Variants in IL31RA observed in about 807,000 individuals in gnomAD.
IL31RA encodes interleukin 31 receptor A.
IL31RA carries 66 observed loss-of-function variants against 83.7 expected under a neutral mutation model. The observed-to-expected ratio is 0.79, with a 90% CI of 0.65 to 0.97. The LOEUF (loss-of-function observed/expected upper bound fraction) is 0.97. Ranked by LOEUF, IL31RA falls within the 50% of genes least tolerant of loss-of-function variation. The pLI, the probability that IL31RA is intolerant of heterozygous loss-of-function variation, is 0.00. For missense variants in IL31RA, 798 were observed against 919.4 expected (o/e 0.87, Z 1.71); for synonymous variants, 325 against 329.0 (o/e 0.99, Z 0.13).
intron 10 of IL31RA, 61 bp from the exon 11 acceptor site, chr5:55,908,204 G>C (rs1313031134): frequency 2.5e-6 from 4 of 1,609,318 alleles, no homozygotes; most frequent in South Asian, 2.2e-5. Flanking sequence ...GGGCCTTTGT[G>C]GGGGAACGAT....
At chr5:55,914,780 G>A (rs577587102) in intron 13 of IL31RA, 67 bp from the exon 14 acceptor site, 2 of 1,132,304 alleles carry the variant, frequency 1.8e-6, no homozygotes, top group East Asian at 2.3e-5. Context: ...TCACTCTTTT[G>A]ACTCAGCCAT....
chr5:55,850,133 A>G (rs68084104), upstream of IL31RA, among the ~76,000 whole-genome samples: 10,757 of 152,098 alleles, frequency 0.071, 567 homozygotes, highest in African/African-American at 0.15. Flanking sequence ...TTTTTTTCCT[A>G]TCTGGAAACA....
chr5:55,868,860 G>A lies in IL31RA; in HGVS notation c.224G>A (p.Ser75Asn). Residue 75 changes from serine (S) to asparagine (N), a missense_variant, in exon 3 of 15, where the codon AGT (serine) becomes AAT (asparagine). Physicochemically the swap from Ser to Asn is conservative, Grantham distance 46 (BLOSUM62 1). Coordinates refer to ENST00000652347, the MANE Select transcript of IL31RA (RefSeq NM_139017.7). Reference sequence around the variant, plus strand: ...AGGAAAAATTTAACCTGCACTTGGAGTCCAGGAAAGGAAACCAGTTATACC... The same window carrying A: ...AGGAAAAATTTAACCTGCACTTGGAATCCAGGAAAGGAAACCAGTTATACC... ...YYRKNLTCTWSPGKETSYTQY... is the reference protein window; with the variant it reads ...YYRKNLTCTWNPGKETSYTQY... 1 of 1,609,050 alleles carries A rather than the reference G, an allele frequency of 6.2e-7. No individual in the cohort carries two copies. The highest frequency in any genetic ancestry group is 8.5e-7 in the Non-Finnish European group (1 of 1,175,394).
chr5:55,859,814 C>T (rs977897876), intron 2 of IL31RA, among the ~76,000 whole-genome samples: 1 of 152,116 alleles, frequency 6.6e-6, no homozygotes. Context: ...AGATGGCTTA[C>T]CATATTTTCA....
intron 6 of IL31RA, 22 bp downstream of exon 6, chr5:55,890,157 C>A: frequency 1.2e-6 from 2 of 1,611,956 alleles, no homozygotes; most frequent in Non-Finnish European, 1.7e-6. Flanking sequence ...CCTGCGATTC[C>A]CGTCCTGTCT....
intron 7 of IL31RA, among the ~76,000 whole-genome samples, chr5:55,897,017 T>TATATATATATATATATATATATATA: frequency 2.6e-4 from 1 of 3,818 alleles, no homozygotes; most frequent in Non-Finnish European, 5.4e-4. Context: ...ATATATATAT[T>TATATATATATATATATATATATATA]TTTTTTTTTT....
intron 3 of IL31RA, among the ~76,000 whole-genome samples, chr5:55,870,746 G>A (rs1403039444): frequency 6.6e-6 from 1 of 152,190 alleles, no homozygotes; most frequent in Non-Finnish European, 1.5e-5. Context: ...AAGCAAAGTG[G>A]AAGGGTTTCC....
In IL31RA at chr5:55,873,986, G is replaced by A. The variant is rs114336146; in HGVS notation, c.454+1535G>A. 2.8e-3 allele frequency among the ~76,000 whole-genome samples: 423 copies of A among 152,160 alleles called. 1 individual carries two copies. Among genetic ancestry groups the A allele is most frequent in the African/African-American group, 9.4e-3 (392 of 41,562 alleles). ...TAACCTGAGGTCAGAAAGATTTACT[G>A]CTGTAGTTTTTTCTAAGAGTTTTGA... On this transcript the variant is annotated intron_variant, in intron 4 of 14. Coordinates refer to ENST00000652347, the MANE Select transcript of IL31RA (RefSeq NM_139017.7).
upstream of IL31RA, among the ~76,000 whole-genome samples, chr5:55,847,622 T>C (rs1488498033): frequency 2.6e-5 from 4 of 152,188 alleles, no homozygotes; most frequent in Non-Finnish European, 5.9e-5. Flanking sequence ...AGTTCCTGAA[T>C]ACCCCTTACT....
At position 55,906,269 on chromosome 5, in the gene IL31RA, G is replaced by A. The variant is rs369809822; in HGVS notation, c.1233G>A (p.Thr411=). 4.7e-5 allele frequency: 76 copies of A among 1,614,066 alleles called. No individual in the cohort carries two copies. The Admixed American group carries it at 6.2e-4, about 13-fold the overall frequency. The change falls in exon 9 of 15, where the codon ACG becomes ACA. Residue 411 remains threonine (T), a synonymous_variant. Transcript: ENST00000652347. ...TLSWESVSQA[T]NWTIQQDKLK... The stretch of plus-strand genomic sequence containing the variant: ...CCTGGGAATCTGTGTCTCAGGCCAC[G>A]AACTGGACGATCCAGCAAGGTAGCC...
intron 3 of IL31RA, among the ~76,000 whole-genome samples, chr5:55,869,915 T>A (rs988507679): frequency 6.6e-6 from 1 of 152,246 alleles, no homozygotes; most frequent in Admixed American, 6.5e-5. Flanking sequence ...TCTTTATTTT[T>A]AAGCTAAATC....
intron 3 of IL31RA, among the ~76,000 whole-genome samples, chr5:55,869,771 TCC>T (rs1746402910): frequency 6.6e-6 from 1 of 152,136 alleles, no homozygotes; most frequent in Admixed American, 6.6e-5. Flanking sequence ...ACCGTGCCTG[TCC>T]TTTTTAACAA....
At chr5:55,860,816 A>C (rs956676673) in intron 2 of IL31RA, among the ~76,000 whole-genome samples, 6 of 152,200 alleles carry the variant, frequency 3.9e-5, no homozygotes, top group Non-Finnish European at 7.3e-5. Flanking sequence ...GGCTGCCATA[A>C]CAAAATACCT....
intron 6 of IL31RA, among the ~76,000 whole-genome samples, chr5:55,894,735 T>G (rs961350465): frequency 2.0e-5 from 3 of 152,192 alleles, no homozygotes; most frequent in African/African-American, 7.2e-5. Flanking sequence ...ACAATTCTTT[T>G]GAGACACGAC....
rs559685120 is a variant in IL31RA, at chr5:55,872,262, T to C, written c.273-8T>C. The C allele has an allele frequency of 3.1e-5, 50 of 1,608,544 alleles. No homozygotes were observed. The Admixed American group carries it at 5.5e-4, about 18-fold the overall frequency. ...TAAACTCATGTTGAATCACTTTTTC[T>C]TTCAAAGCGCTTTTGGAGAAAAACA... On this transcript the variant is annotated splice_polypyrimidine_tract_variant and splice_region_variant and intron_variant, in intron 3 of 14. Transcript: ENST00000652347.
At position 55,883,028 on chromosome 5, in the gene IL31RA, T is replaced by C. The variant is rs1747343752; in HGVS notation, c.455-16T>C. The C allele has an allele frequency of 6.2e-7, 1 of 1,613,236 alleles. No homozygotes were observed. The highest frequency in any genetic ancestry group is 1.1e-5 in the South Asian group (1 of 91,042). ...TCTTTTTGCAGATATGAGAGTTGTA[T>C]GATTTTTATTTTCAGCGAAAACTGA... On this transcript the variant is annotated splice_polypyrimidine_tract_variant and intron_variant, in intron 4 of 14. Transcript: ENST00000652347.
chr5:55,850,499 T>G (rs1745026346), upstream of IL31RA, among the ~76,000 whole-genome samples: 2 of 152,220 alleles, frequency 1.3e-5, no homozygotes, highest in South Asian at 4.1e-4. Context: ...CATAGCATCC[T>G]ATTCATATTT....
At chr5:55,872,145 C>A in intron 3 of IL31RA, 125 bp from the exon 4 acceptor site, 1 of 719,408 alleles carries the variant, frequency 1.4e-6, no homozygotes, top group Non-Finnish European at 2.4e-6. Context: ...ACCAAATATC[C>A]TGGACTATAC....
At chr5:55,851,960 G>A (rs1745096142) in intron 1 of IL31RA, among the ~76,000 whole-genome samples, 2 of 152,116 alleles carry the variant, frequency 1.3e-5, no homozygotes, top group South Asian at 4.1e-4. Flanking sequence ...TTTTTGTGGA[G>A]TTTCCTGAGA....
Sources: gnomAD v4.1 joint callset for allele counts (sites outside exome capture counted in the v4.1 genomes callset) on GRCh38, gnomAD v4.1.1 for gene constraint, MANE v1.5 for transcripts, NCBI Gene and HGNC (gene_info 2026-07-23, HGNC 2026-07-21) for gene names.